CD2AP: variants seen among roughly 807,000 people sequenced by gnomAD.
CD2AP encodes CD2 associated protein, also known as CD2-associated protein.
CD2AP carries 46 observed loss-of-function variants against 85.1 expected under a neutral mutation model. The observed-to-expected ratio is 0.54, with a 90% CI of 0.43 to 0.69. The LOEUF is 0.69. CD2AP is among the 30% of genes least tolerant of loss of function. CD2AP has a pLI of 0.00. For synonymous variants in CD2AP, 255 were observed against 252.9 expected (o/e 1.01, Z -0.08); for missense variants, 769 against 729.5 (o/e 1.05, Z -0.62).
chr6:47,492,577 C>T (rs1015942071), intron 1 of CD2AP, among the ~76,000 whole-genome samples: 6 of 152,018 alleles, frequency 3.9e-5, no homozygotes, highest in African/African-American at 1.4e-4. Context: ...AACTCCTGGC[C>T]TCAGGTTATC....
In CD2AP at chr6:47,609,117, T is replaced by C; in HGVS notation, c.1633-6T>C. On this transcript the variant is annotated splice_region_variant and splice_polypyrimidine_tract_variant and intron_variant, in intron 15 of 17. Coordinates refer to ENST00000359314, the MANE Select transcript of CD2AP (RefSeq NM_012120.3). ...AAAATCAGAAATTTTTTTTTTACGTTTTCAGCCATCTGTGTACCTTTCAAC... is the reference window on the plus strand; with the variant it reads ...AAAATCAGAAATTTTTTTTTTACGTCTTCAGCCATCTGTGTACCTTTCAAC... 6.3e-7 allele frequency: 1 copy of C among 1,591,796 alleles called. No individual in the cohort carries two copies. Among genetic ancestry groups the C allele is most frequent in the Non-Finnish European group, 8.5e-7 (1 of 1,171,422 alleles).
At position 47,478,190 on chromosome 6, in the gene CD2AP, C is replaced by G. The variant is rs1227693743; in HGVS notation, c.-55C>G. On this transcript the variant is annotated 5_prime_UTR_variant, in exon 1 of 18. Coordinates refer to ENST00000359314, the MANE Select transcript of CD2AP (RefSeq NM_012120.3). ...GCGGGAGCGGCCGCGCGAGCCACCA[C>G]TGGAGGAGGAGGAGGAGGAGCGGAC... The G allele has an allele frequency of 3.5e-6, 5 of 1,430,412 alleles. No individual in the cohort carries two copies. The South Asian group carries it at 3.8e-5, about 11-fold the overall frequency. The allele number at this position is 1,430,412 out of a possible 1,614,324, so 88.6% of individuals were successfully genotyped here.
chr6:47,594,953 G>C (rs904681532), intron 11 of CD2AP, among the ~76,000 whole-genome samples: 3 of 151,984 alleles, frequency 2.0e-5, no homozygotes, highest in African/African-American at 7.2e-5. Context: ...TCTTGTGATA[G>C]ACATTTTTTT....
At chr6:47,507,887 G>T (rs1766216134) in intron 2 of CD2AP, among the ~76,000 whole-genome samples, 1 of 152,200 alleles carries the variant, frequency 6.6e-6, no homozygotes, top group South Asian at 2.1e-4. Context: ...GTGATCAGAT[G>T]CATCATCAAT....
rs904485945 is a variant in CD2AP, at chr6:47,625,855, A to C, written c.*1628A>C. On this transcript the variant is annotated 3_prime_UTR_variant, in exon 18 of 18. Transcript: ENST00000359314. ...AATGCTAATTATATATTGAGAATATACATTAGAACTCTTCAAAATGGGCTC... is the reference window on the plus strand; with the variant it reads ...AATGCTAATTATATATTGAGAATATCCATTAGAACTCTTCAAAATGGGCTC... 2.0e-5 allele frequency: 3 copies of C among 151,906 alleles called. No individual in the cohort carries two copies. Among genetic ancestry groups the C allele is most frequent in the African/African-American group, 7.2e-5 (3 of 41,434 alleles). 9.4% of individuals were successfully genotyped at this position (151,906 alleles called of 1,614,324 possible). A position where few individuals can be genotyped will look rare whatever the true frequency, so the allele number is the denominator to read the frequency against.
At chr6:47,513,274 G>A (rs929362153) in intron 2 of CD2AP, among the ~76,000 whole-genome samples, 3 of 151,660 alleles carry the variant, frequency 2.0e-5, no homozygotes, top group African/African-American at 7.3e-5. Context: ...GCATCCATAA[G>A]CCAACCAACA....
chr6:47,501,537 A>G (rs7738044), intron 1 of CD2AP, among the ~76,000 whole-genome samples: 40,911 of 152,054 alleles, frequency 0.27, 5,690 homozygotes, highest in African/African-American at 0.33. Flanking sequence ...TTAAGGTTCT[A>G]TGAGAAAGGA....
intron 5 of CD2AP, among the ~76,000 whole-genome samples, chr6:47,569,111 T>A (rs1167350808): frequency 6.6e-6 from 1 of 151,926 alleles, no homozygotes; most frequent in East Asian, 1.9e-4. Flanking sequence ...GTGTAGAGAG[T>A]AAGTATAAGG....
chr6:47,482,717 A>G (rs1007762581), intron 1 of CD2AP, among the ~76,000 whole-genome samples: 3 of 152,196 alleles, frequency 2.0e-5, no homozygotes, highest in African/African-American at 4.8e-5. Flanking sequence ...CTAAAATGAC[A>G]TCATATTAAC....
chr6:47,595,723 G>A (rs996889696), intron 11 of CD2AP, 138 bp from the exon 12 acceptor site: 1 of 641,118 alleles, frequency 1.6e-6, no homozygotes, highest in Admixed American at 2.7e-5. Context: ...GTAAAACAGT[G>A]CACATGTATA....
At chr6:47,518,012 T>G (rs1210503921) in intron 2 of CD2AP, among the ~76,000 whole-genome samples, 1 of 152,152 alleles carries the variant, frequency 6.6e-6, no homozygotes, top group Admixed American at 6.5e-5. Context: ...TCCCCCTAGG[T>G]AGAATGGTTA....
At chr6:47,587,529 C>T (rs964251439) in intron 11 of CD2AP, among the ~76,000 whole-genome samples, 2 of 152,180 alleles carry the variant, frequency 1.3e-5, no homozygotes, top group Non-Finnish European at 2.9e-5. Flanking sequence ...CCAGAAGTAC[C>T]TAAAATCCTG....
chr6:47,575,753 A>G (rs779406395), intron 6 of CD2AP, among the ~76,000 whole-genome samples: 1 of 152,122 alleles, frequency 6.6e-6, no homozygotes, highest in Non-Finnish European at 1.5e-5. Flanking sequence ...TACAGATTAC[A>G]ATGGAAAAAT....
chr6:47,563,812 G>A, intron 5 of CD2AP, among the ~76,000 whole-genome samples: 1 of 152,138 alleles, frequency 6.6e-6, no homozygotes. Context: ...TCATTTTTAA[G>A]TGTTCTTCCA....
chr6:47,501,933 A>G (rs1407272045), intron 1 of CD2AP, among the ~76,000 whole-genome samples: 3 of 152,210 alleles, frequency 2.0e-5, no homozygotes, highest in African/African-American at 7.2e-5. Flanking sequence ...TTAGTAGTTT[A>G]GAACTATATA....
chr6:47,538,272 G>A (rs1645921380), intron 3 of CD2AP, among the ~76,000 whole-genome samples: 1 of 151,670 alleles, frequency 6.6e-6, no homozygotes, highest in African/African-American at 2.4e-5. Context: ...ACAGAGTTTC[G>A]CTCTTCTTAC....
At chr6:47,555,761 G>A (rs929546060) in intron 5 of CD2AP, among the ~76,000 whole-genome samples, 3 of 151,770 alleles carry the variant, frequency 2.0e-5, no homozygotes, top group Non-Finnish European at 2.9e-5. Flanking sequence ...TGCCTTGGTT[G>A]TCTTTGCTTA....
chr6:47,609,030 A>C (rs1414024018), intron 15 of CD2AP, 93 bp from the exon 16 acceptor site: 1 of 958,290 alleles, frequency 1.0e-6, no homozygotes, highest in Admixed American at 2.7e-5. Context: ...ACTTATCTTG[A>C]AGTACTTAAT....
At chr6:47,611,653 A>G (rs1769445412) in intron 16 of CD2AP, among the ~76,000 whole-genome samples, 1 of 151,690 alleles carries the variant, frequency 6.6e-6, no homozygotes, top group African/African-American at 2.4e-5. Flanking sequence ...ATTCTCAAGA[A>G]TTTTTCAAGT....
Sources: gnomAD v4.1 joint callset for allele counts (sites outside exome capture counted in the v4.1 genomes callset) on GRCh38, gnomAD v4.1.1 for gene constraint, MANE v1.5 for transcripts, NCBI Gene and HGNC (gene_info 2026-07-23, HGNC 2026-07-21) for gene names.